Variants in IL2RA observed in about 807,000 individuals in gnomAD.
IL2RA encodes interleukin 2 receptor subunit alpha.
Under a neutral mutation model 37.8 loss-of-function variants are expected in IL2RA, and 24 were observed. The observed-to-expected ratio is 0.63, with a 90% CI of 0.46 to 0.89. The LOEUF (loss-of-function observed/expected upper bound fraction) is 0.89. Among genes scored for constraint, IL2RA ranks in the 40% least tolerant of loss-of-function variants. IL2RA has a pLI of 0.00. For synonymous variants in IL2RA, 125 were observed against 114.6 expected (o/e 1.09, Z -0.58); for missense variants, 319 against 348.6 (o/e 0.92, Z 0.68).
chr10:6,012,769 G>T lies in IL2RA; in HGVS notation c.*103C>A. The T allele has an allele frequency of 8.2e-7, 1 of 1,221,844 alleles. No individual in the cohort carries two copies. Among genetic ancestry groups the T allele is most frequent in the Non-Finnish European group, 1.2e-6 (1 of 822,614 alleles). 75.7% of individuals were successfully genotyped at this position (1,221,844 alleles called of 1,614,324 possible). ...CAAAACGCAGGCAAGCACAACGGAT[G>T]TCTCCTGGGCGACCATTTAGCACCT... On this transcript the variant is annotated 3_prime_UTR_variant, in exon 8 of 8. Transcript: ENST00000379959. This position sits in a 1 kb window ranked among gnomAD's most constrained non-coding sequence, Gnocchi z 4.8.
At position 6,044,980 on chromosome 10, in the gene IL2RA, G is replaced by C. The variant is rs896169372; in HGVS notation, c.64+17108C>G. 6.6e-6 allele frequency among the ~76,000 whole-genome samples: 1 copy of C among 152,202 alleles called. No individual in the cohort carries two copies. Among genetic ancestry groups the C allele is most frequent in the Non-Finnish European group, 1.5e-5 (1 of 68,050 alleles). Reference sequence around the variant, plus strand: ...AGCACAAATGTTGAAGGAAATGTGGGAGAAGTAAAGTGCCTGTCTCAGGGC... The same window carrying C: ...AGCACAAATGTTGAAGGAAATGTGGCAGAAGTAAAGTGCCTGTCTCAGGGC... On this transcript the variant is annotated intron_variant, in intron 1 of 7. Coordinates refer to ENST00000379959, the MANE Select transcript of IL2RA (RefSeq NM_000417.3). This position sits in a 1 kb window ranked among gnomAD's most constrained non-coding sequence, Gnocchi z 4.5.
At chr10:6,037,331 A>G (rs1009217312) in intron 1 of IL2RA, among the ~76,000 whole-genome samples, 2 of 152,128 alleles carry the variant, frequency 1.3e-5, no homozygotes, top group Non-Finnish European at 2.9e-5. Flanking sequence ...TGAAAGATAA[A>G]GGGAAAAGGG....
chr10:6,029,399 AG>A lies in IL2RA; in HGVS notation c.65-3375del, dbSNP rs1347289640. On this transcript the variant is annotated intron_variant, in intron 1 of 7. Coordinates refer to ENST00000379959, the MANE Select transcript of IL2RA (RefSeq NM_000417.3). The surrounding 1 kb of genome is among the most constrained non-coding windows in gnomAD (Gnocchi z 4.6). ...AGGCTGGTCTCGAACTCCTGACCTCAGGTGATCCACCTGCCTCGGCCTCCCA... is the reference window on the plus strand; with the variant it reads ...AGGCTGGTCTCGAACTCCTGACCTCAGTGATCCACCTGCCTCGGCCTCCCA... Among the ~76,000 whole-genome samples the A allele has an allele frequency of 6.6e-6, 1 of 152,088 alleles. No individual in the cohort carries two copies. Among genetic ancestry groups the A allele is most frequent in the Non-Finnish European group, 1.5e-5 (1 of 68,020 alleles).
At chr10:6,053,930 G>A (rs965577510) in intron 1 of IL2RA, among the ~76,000 whole-genome samples, 5 of 152,220 alleles carry the variant, frequency 3.3e-5, no homozygotes, top group East Asian at 3.8e-4. Flanking sequence ...CCTGGGAAAC[G>A]GGGGGACATG....
chr10:6,055,297 G>A (rs1840026135), intron 1 of IL2RA, among the ~76,000 whole-genome samples: 1 of 152,134 alleles, frequency 6.6e-6, no homozygotes, highest in Non-Finnish European at 1.5e-5. Context: ...CTCTAATTTG[G>A]TGAGTTTCAA....
At chr10:6,052,327 G>A (rs891973998) in intron 1 of IL2RA, among the ~76,000 whole-genome samples, 1 of 152,118 alleles carries the variant, frequency 6.6e-6, no homozygotes, top group Non-Finnish European at 1.5e-5. Context: ...GTGTTCCATC[G>A]ACTCCTTCTT....
rs1289521173 is a variant in IL2RA, at chr10:6,020,409, G to A, written c.584-468C>T. On this transcript the variant is annotated intron_variant, in intron 4 of 7. Coordinates refer to ENST00000379959, the MANE Select transcript of IL2RA (RefSeq NM_000417.3). The surrounding 1 kb of genome is among the most constrained non-coding windows in gnomAD (Gnocchi z 5.6). ...TCCAAGGAAGCAGCAAGCATTCCCTGGCTGTCAGGGTGGCCCAGGGAAGCA... is the reference window on the plus strand; with the variant it reads ...TCCAAGGAAGCAGCAAGCATTCCCTAGCTGTCAGGGTGGCCCAGGGAAGCA... Among the ~76,000 whole-genome samples, 1 of 152,164 alleles carries A rather than the reference G, an allele frequency of 6.6e-6. No homozygotes were observed. Among genetic ancestry groups the A allele is most frequent in the Non-Finnish European group, 1.5e-5 (1 of 68,030 alleles).
At chr10:6,042,148 CAAAAAA>C (rs57093239) in intron 1 of IL2RA, among the ~76,000 whole-genome samples, 2 of 54,132 alleles carry the variant, frequency 3.7e-5, no homozygotes, top group South Asian at 8.5e-4. Context: ...ATGTATTAAG[CAAAAAA>C]AAAAAAAAAA....
rs1457723820 is a variant in IL2RA at position 6,035,902 on chromosome 10, C to T, written c.65-9877G>A. The T allele has an allele frequency of 2.0e-5, 3 of 152,308 alleles. No homozygotes were observed. The highest frequency in any genetic ancestry group is 4.4e-5 in the Non-Finnish European group (3 of 68,100). The allele number at this position is 152,308 out of a possible 1,614,324, so 9.4% of individuals were successfully genotyped here. ...CATCATTGTGGCTGAAATACACGAT[C>T]ATGGGTGTATCTTTCCTTGTGGATT... On this transcript the variant is annotated intron_variant, in intron 1 of 7. Transcript: ENST00000379959. This position sits in a 1 kb window ranked among gnomAD's most constrained non-coding sequence, Gnocchi z 5.4.
rs1029457814 is a variant in IL2RA at position 6,056,101 on chromosome 10, A to G, written c.64+5987T>C. On this transcript the variant is annotated intron_variant, in intron 1 of 7. Transcript: ENST00000379959. This position sits in a 1 kb window ranked among gnomAD's most constrained non-coding sequence, Gnocchi z 5.0. ...ATACCTAAAATTTCTAGAGACAATTATATTATTGTTTTCCCCTAAATGAGT... is the reference window on the plus strand; with the variant it reads ...ATACCTAAAATTTCTAGAGACAATTGTATTATTGTTTTCCCCTAAATGAGT... 6.6e-6 allele frequency among the ~76,000 whole-genome samples: 1 copy of G among 152,220 alleles called. No individual in the cohort carries two copies. The highest frequency in any genetic ancestry group is 1.5e-5 in the Non-Finnish European group (1 of 68,038).
chr10:6,051,254 G>GC (rs1222495714), intron 1 of IL2RA, among the ~76,000 whole-genome samples: 1 of 152,006 alleles, frequency 6.6e-6, no homozygotes, highest in Non-Finnish European at 1.5e-5. Context: ...CACCAGGCCT[G>GC]CCCCCAGCCA....
chr10:6,024,094 C>A, intron 3 of IL2RA, 150 bp downstream of exon 3: 1 of 684,932 alleles, frequency 1.5e-6, no homozygotes, highest in South Asian at 1.6e-5. Flanking sequence ...TGCACTAATT[C>A]TTGTCTGCAA....
chr10:6,019,370 A>T, intron 6 of IL2RA, 58 bp downstream of exon 6: 1 of 1,313,146 alleles, frequency 7.6e-7, no homozygotes. Flanking sequence ...TAACCAGTCA[A>T]CCTGTCCATA....
At position 6,028,465 on chromosome 10, in the gene IL2RA, A is replaced by G. The variant is rs561949356; in HGVS notation, c.65-2440T>C. Among the ~76,000 whole-genome samples the G allele has an allele frequency of 7.2e-5, 11 of 152,360 alleles. No individual in the cohort carries two copies. The highest frequency in any genetic ancestry group is 2.6e-4 in the African/African-American group (11 of 41,590). On this transcript the variant is annotated intron_variant, in intron 1 of 7. Coordinates refer to ENST00000379959, the MANE Select transcript of IL2RA (RefSeq NM_000417.3). The surrounding 1 kb of genome is among the most constrained non-coding windows in gnomAD (Gnocchi z 4.1). ...AGAGGCATCCCTAGGATGAATTTCAAAACCAAAATAGACCTGCCCTTACAA... is the reference window on the plus strand; with the variant it reads ...AGAGGCATCCCTAGGATGAATTTCAGAACCAAAATAGACCTGCCCTTACAA...
chr10:6,017,382 C>G (rs1839297085), intron 7 of IL2RA, among the ~76,000 whole-genome samples: 1 of 152,052 alleles, frequency 6.6e-6, no homozygotes, highest in Non-Finnish European at 1.5e-5. Context: ...GCTCTAGATT[C>G]ATGTTGCAGT....
chr10:6,037,105 C>T (rs1412585355), intron 1 of IL2RA, among the ~76,000 whole-genome samples: 1 of 152,160 alleles, frequency 6.6e-6, no homozygotes, highest in Non-Finnish European at 1.5e-5. Context: ...CTCCAGTGCA[C>T]AGTGAGTGCT....
rs1038081321 is a variant in IL2RA at position 6,044,765 on chromosome 10, G to T, written c.64+17323C>A. On this transcript the variant is annotated intron_variant, in intron 1 of 7. Transcript: ENST00000379959. The surrounding 1 kb of genome is among the most constrained non-coding windows in gnomAD (Gnocchi z 4.5). ...AAGACAGTGCAAAATATAAGTGGTG[G>T]TATAGGGACTTCACCTCCCACTCCC... Among the ~76,000 whole-genome samples, 1 of 152,172 alleles carries T rather than the reference G, an allele frequency of 6.6e-6. No homozygotes were observed. The highest frequency in any genetic ancestry group is 1.5e-5 in the Non-Finnish European group (1 of 68,036).
rs1839267453 is a variant in IL2RA, at chr10:6,015,884, A to G, written c.794+2169T>C. On this transcript the variant is annotated intron_variant, in intron 7 of 7. Coordinates refer to ENST00000379959, the MANE Select transcript of IL2RA (RefSeq NM_000417.3). The surrounding 1 kb of genome is among the most constrained non-coding windows in gnomAD (Gnocchi z 4.9). ...GTGATTCCATTTACACGAAATGTCC[A>G]GAATAGGCAAATCCATAGAGACGGA... is the stretch of plus-strand genomic sequence containing the variant. Among the ~76,000 whole-genome samples, 1 of 152,212 alleles carries G rather than the reference A, an allele frequency of 6.6e-6. No homozygotes were observed. The highest frequency in any genetic ancestry group is 2.4e-5 in the African/African-American group (1 of 41,442).
Position 6,014,942 on chromosome 10 carries a change from A to G in IL2RA, c.795-2046T>C, listed in dbSNP as rs1839251591. On this transcript the variant is annotated intron_variant, in intron 7 of 7. Coordinates refer to ENST00000379959, the MANE Select transcript of IL2RA (RefSeq NM_000417.3). The surrounding 1 kb of genome is among the most constrained non-coding windows in gnomAD (Gnocchi z 4.4). ...AAGGGCTTTGGTTTTGGGGGAGTGG[A>G]TCTGTATTTTCTCAGGGTCTTACTG... Among the ~76,000 whole-genome samples, 1 of 152,026 alleles carries G rather than the reference A, an allele frequency of 6.6e-6. No homozygotes were observed. Among genetic ancestry groups the G allele is most frequent in the Admixed American group, 6.6e-5 (1 of 15,238 alleles).
Sources: allele counts gnomAD v4.1 joint callset (sites outside exome capture counted in the v4.1 genomes callset), GRCh38; gene constraint gnomAD v4.1.1; non-coding constraint Gnocchi (gnomAD v3.1); transcripts MANE v1.5; gene names NCBI Gene and HGNC (gene_info 2026-07-23, HGNC 2026-07-21).